The following IBTK variants were observed in gnomAD, a reference collection of about 807,000 sequenced individuals.
The protein encoded by IBTK is inhibitor of Bruton tyrosine kinase.
In IBTK, 83 loss-of-function variants were observed where a neutral mutation model predicts 154.9. The observed-to-expected ratio is 0.54, with a 90% CI of 0.45 to 0.64. The LOEUF is 0.64. Among genes scored for constraint, IBTK ranks in the 30% least tolerant of loss-of-function variants. IBTK has a pLI of 0.00. For missense variants in IBTK, 1,332 were observed against 1,584.6 expected (o/e 0.84, Z 2.71); for synonymous variants, 515 against 536.1 (o/e 0.96, Z 0.54).
intron 11 of IBTK, 128 bp downstream of exon 11, chr6:82,215,948 T>C (rs892656934): frequency 1.6e-6 from 1 of 610,636 alleles, no homozygotes; most frequent in African/African-American, 1.9e-5. Context: ...GTAAACATGA[T>C]TATGTCTAAG....
At chr6:82,208,122 CA>C (rs531941941) in intron 16 of IBTK, among the ~76,000 whole-genome samples, 1,192 of 106,070 alleles carry the variant, frequency 0.011, 11 homozygotes, top group African/African-American at 0.032. Flanking sequence ...ACTCTCACCA[CA>C]AAAAAAAAAA....
chr6:82,216,194 T>G lies in IBTK; in HGVS notation c.1483A>C (p.Asn495His). The G allele has an allele frequency of 6.2e-7, 1 of 1,610,836 alleles. No individual in the cohort carries two copies. Among genetic ancestry groups the G allele is most frequent in the African/African-American group, 1.3e-5 (1 of 74,886 alleles). The change falls in exon 11 of 29, where the codon AAT (asparagine) becomes CAT (histidine). Residue 495 changes from asparagine to histidine, a missense_variant. Around this residue, in one of 3 missense-constraint regions of IBTK, gnomAD observed 1,134 missense variants for 1,274.7 expected, o/e 0.89. Transcript: ENST00000306270. ...AGTCGAATTCTTTCATACACACTAT[T>G]TATATCAGAGACATAAGACACATCT... The part of the protein sequence containing the change: ...SSDVSYVSDI[N>H]SVYERIRLEK...
At chr6:82,229,145 A>G (rs1437905677) in intron 4 of IBTK, among the ~76,000 whole-genome samples, 1 of 152,028 alleles carries the variant, frequency 6.6e-6, no homozygotes, top group Non-Finnish European at 1.5e-5. Flanking sequence ...TGAAATTTAT[A>G]CTGATTTCTT....
intron 3 of IBTK, among the ~76,000 whole-genome samples, chr6:82,232,065 T>TA (rs1562104637): frequency 6.9e-6 from 1 of 144,392 alleles, no homozygotes; most frequent in East Asian, 2.0e-4. Context: ...TGTTGTTGTT[T>TA]TTTTTTAATA....
intron 26 of IBTK, among the ~76,000 whole-genome samples, chr6:82,177,569 C>G (rs1424815808): frequency 6.6e-6 from 1 of 152,090 alleles, no homozygotes; most frequent in African/African-American, 2.4e-5. Context: ...TGTGCCACCC[C>G]TGGCCCGGCT....
At chr6:82,181,807 AT>A in intron 26 of IBTK, 71 bp downstream of exon 26, 1 of 1,090,036 alleles carries the variant, frequency 9.2e-7, no homozygotes, top group Non-Finnish European at 1.3e-6. Flanking sequence ...TTTAAGGATT[AT>A]TTCAGAACAT....
chr6:82,218,139 T>C lies in IBTK; in HGVS notation c.1249-2A>G. ...GTTGACTGATCTCCAGCAAAACACC[T>C]AAAACAAAACCAAATCACATTGAAA... On this transcript the variant is annotated splice_acceptor_variant, in intron 9 of 28. Transcript: ENST00000306270. LOFTEE classifies it high-confidence loss of function. 6.5e-7 allele frequency: 1 copy of C among 1,544,876 alleles called. No homozygotes were observed. The highest frequency in any genetic ancestry group is 8.7e-7 in the Non-Finnish European group (1 of 1,148,866).
intron 26 of IBTK, among the ~76,000 whole-genome samples, chr6:82,178,534 T>A (rs1768199469): frequency 1.3e-5 from 2 of 152,330 alleles, no homozygotes; most frequent in African/African-American, 2.4e-5. Context: ...ACTCATTCAT[T>A]CACCAGACTC....
chr6:82,222,529 G>C (rs1203125570), intron 8 of IBTK, among the ~76,000 whole-genome samples: 1 of 152,034 alleles, frequency 6.6e-6, no homozygotes, highest in Non-Finnish European at 1.5e-5. Flanking sequence ...CCTGTCTATA[G>C]AAGTTGAATA....
intron 21 of IBTK, 28 bp downstream of exon 21, chr6:82,200,113 T>C: frequency 7.4e-7 from 1 of 1,354,578 alleles, no homozygotes; most frequent in Non-Finnish European, 1.1e-6. Flanking sequence ...AGATTAGAAC[T>C]GGAAATACAT....
rs528616410 is a variant in IBTK, at chr6:82,213,059, G to A, written c.2205-266C>T. Reference sequence around the variant, plus strand: ...TTTTTTTTTTTTGAGACGAAGCCTCGCTCTGTTGCCCAGGCTAGAGTGTGG... The same window carrying A: ...TTTTTTTTTTTTGAGACGAAGCCTCACTCTGTTGCCCAGGCTAGAGTGTGG... On this transcript the variant is annotated intron_variant, in intron 12 of 28. Coordinates refer to ENST00000306270, the MANE Select transcript of IBTK (RefSeq NM_015525.4). 4.7e-5 allele frequency among the ~76,000 whole-genome samples: 7 copies of A among 150,438 alleles called. No homozygotes were observed. The South Asian group carries it at 6.3e-4, about 14-fold the overall frequency.
At chr6:82,178,878 A>C (rs1163084868) in intron 26 of IBTK, among the ~76,000 whole-genome samples, 1 of 152,234 alleles carries the variant, frequency 6.6e-6, no homozygotes, top group Admixed American at 6.5e-5. Context: ...GAACTAAGAG[A>C]AGGCCAAGAT....
chr6:82,192,799 C>G (rs191270317), intron 23 of IBTK, among the ~76,000 whole-genome samples: 18 of 147,638 alleles, frequency 1.2e-4, no homozygotes, highest in Admixed American at 1.1e-3. Flanking sequence ...GAAATCTACA[C>G]TACAGATAAA....
At chr6:82,247,536 TC>T in intron 1 of IBTK, 25 bp downstream of exon 1, 1 of 398,876 alleles carries the variant, frequency 2.5e-6, no homozygotes, top group Non-Finnish European at 4.4e-6. Flanking sequence ...CACCGCACGG[TC>T]GGGCAGCGCC....
At chr6:82,175,022 G>C in intron 26 of IBTK, 1 of 456,024 alleles carries the variant, frequency 2.2e-6, no homozygotes, top group Non-Finnish European at 4.4e-6. Flanking sequence ...TTATGATAAA[G>C]CATCACACAC....
chr6:82,233,113 C>T (rs928266944), intron 3 of IBTK, among the ~76,000 whole-genome samples: 18 of 149,096 alleles, frequency 1.2e-4, no homozygotes, highest in South Asian at 4.2e-4. Context: ...GCCAAGATCG[C>T]GCCATTGCAC....
At chr6:82,223,673 A>G (rs1412063199) in intron 7 of IBTK, 53 bp from the exon 8 acceptor site, 5 of 1,491,632 alleles carry the variant, frequency 3.4e-6, no homozygotes, top group Admixed American at 3.5e-5. Flanking sequence ...TAAGAGTCCT[A>G]TTTAGCCAAG....
intron 16 of IBTK, among the ~76,000 whole-genome samples, chr6:82,206,214 T>A (rs1458113559): frequency 6.6e-6 from 1 of 152,110 alleles, no homozygotes; most frequent in Non-Finnish European, 1.5e-5. Flanking sequence ...AGCTCCATAA[T>A]CACAGGGAAT....
intron 25 of IBTK, among the ~76,000 whole-genome samples, chr6:82,185,365 G>A (rs1768509003): frequency 6.6e-6 from 1 of 150,872 alleles, no homozygotes; most frequent in Non-Finnish European, 1.5e-5. Context: ...TTCAAGACCA[G>A]CTGGGGATAT....
Sources: allele counts gnomAD v4.1 joint callset (sites outside exome capture counted in the v4.1 genomes callset), GRCh38; gene constraint gnomAD v4.1.1; regional missense constraint gnomAD v4.1.1; transcripts MANE v1.5; gene names NCBI Gene and HGNC (gene_info 2026-07-23, HGNC 2026-07-21).